MSI2: variants seen among roughly 807,000 people sequenced by gnomAD.
MSI2 encodes RNA-binding protein Musashi homolog 2.
A neutral mutation model predicts 45.6 loss-of-function variants in MSI2; 17 were observed. The ratio of observed to expected loss-of-function variants is 0.37; its 90% CI spans 0.26 to 0.56. The LOEUF (loss-of-function observed/expected upper bound fraction) is 0.56, where lower values mean the gene tolerates loss of function less well. Among genes scored for constraint, MSI2 ranks in the 20% least tolerant of loss-of-function variants. The pLI is 0.77. For synonymous variants in MSI2, 156 were observed against 158.2 expected, an observed-to-expected ratio of 0.99 and a Z score of 0.11; for missense variants, 293 against 444.2, an observed-to-expected ratio of 0.66 and a Z score of 3.06.
intron 6 of MSI2, chr17:57,449,704 G>A (rs897686765): frequency 3.3e-5 from 5 of 152,116 alleles, no homozygotes; most frequent in African/African-American, 7.2e-5. Flanking sequence ...TGCTATAAAT[G>A]AGCAGTGAAA....
chr17:57,614,709 T>C (rs1231928815), intron 8 of MSI2, among the ~76,000 whole-genome samples: 2 of 152,190 alleles, frequency 1.3e-5, no homozygotes, highest in Admixed American at 1.3e-4. Flanking sequence ...TTGTTAAATT[T>C]CTCTGTAAAC....
intron 5 of MSI2, chr17:57,265,954 T>A (rs1907728467): frequency 6.6e-6 from 1 of 152,240 alleles, no homozygotes; most frequent in Non-Finnish European, 1.5e-5. Context: ...TATTTTCTTC[T>A]ATGTGGAGGA....
At chr17:57,678,934 C>T (rs1913430147) in intron 13 of MSI2, among the ~76,000 whole-genome samples, 1 of 152,250 alleles carries the variant, frequency 6.6e-6, no homozygotes, top group Non-Finnish European at 1.5e-5. Context: ...CCCCTACTCC[C>T]AGTCAATTCA....
chr17:57,571,276 TGG>T (rs2087870662), intron 7 of MSI2, among the ~76,000 whole-genome samples: 1 of 152,168 alleles, frequency 6.6e-6, no homozygotes, highest in Non-Finnish European at 1.5e-5. Context: ...CAGGCCGCCC[TGG>T]GAAGGGGAGA....
intron 8 of MSI2, among the ~76,000 whole-genome samples, chr17:57,608,101 G>A (rs1307056088): frequency 6.6e-6 from 1 of 152,198 alleles, no homozygotes; most frequent in Non-Finnish European, 1.5e-5. Context: ...GAGGGAAAAG[G>A]ACTGCAGAGT....
At chr17:57,686,970 A>T (rs79374834), downstream of MSI2, among the ~76,000 whole-genome samples, 1,540 of 151,922 alleles carry the variant, frequency 0.01, 20 homozygotes, top group African/African-American at 0.036. Flanking sequence ...GTTTATATTC[A>T]TGGAACATAA....
chr17:57,510,928 G>T (rs903259704), intron 6 of MSI2, among the ~76,000 whole-genome samples: 1 of 152,290 alleles, frequency 6.6e-6, no homozygotes, highest in African/African-American at 2.4e-5. Flanking sequence ...TCTCTGCCTC[G>T]CTGTATCCCG....
intron 6 of MSI2, among the ~76,000 whole-genome samples, chr17:57,454,414 C>T (rs939004767): frequency 1.3e-5 from 2 of 151,254 alleles, no homozygotes; most frequent in Admixed American, 1.3e-4. Context: ...TCTTTCCTCT[C>T]TCTCTCTTTT....
At chr17:57,410,206 G>A (rs768923953) in intron 6 of MSI2, among the ~76,000 whole-genome samples, 3 of 151,414 alleles carry the variant, frequency 2.0e-5, no homozygotes, top group South Asian at 2.1e-4. Flanking sequence ...ACCTTCAAGC[G>A]GAGTCTGGAG....
chr17:57,654,305 C>T (rs994372193), intron 11 of MSI2, among the ~76,000 whole-genome samples: 3 of 152,246 alleles, frequency 2.0e-5, no homozygotes, highest in East Asian at 1.9e-4. Flanking sequence ...TGTGTGTAGC[C>T]AGGCTACCCT....
intron 6 of MSI2, among the ~76,000 whole-genome samples, chr17:57,412,101 G>A (rs541551814): frequency 1.3e-5 from 2 of 149,840 alleles, no homozygotes; most frequent in East Asian, 2.1e-4. Flanking sequence ...ATAGTGGCGC[G>A]ACCTCAGCTC....
At chr17:57,367,197 G>A (rs1917256447) in intron 5 of MSI2, among the ~76,000 whole-genome samples, 1 of 152,202 alleles carries the variant, frequency 6.6e-6, no homozygotes, top group African/African-American at 2.4e-5. Flanking sequence ...CTATCTGTTG[G>A]AGAGCACAGA....
intron 2 of MSI2, 29 bp from the exon 3 acceptor site, chr17:57,257,437 C>A (rs376192730): frequency 6.8e-6 from 8 of 1,182,224 alleles, no homozygotes; most frequent in Admixed American, 2.0e-5. Flanking sequence ...TTCTCTCCCC[C>A]CCCCATCTCT....
At chr17:57,480,516 A>G (rs981909945) in intron 6 of MSI2, among the ~76,000 whole-genome samples, 1 of 152,188 alleles carries the variant, frequency 6.6e-6, no homozygotes, top group Non-Finnish European at 1.5e-5. Context: ...ATTTCTTGTC[A>G]CCTTCATCAG....
At chr17:57,562,833 C>T (rs913951441) in intron 7 of MSI2, among the ~76,000 whole-genome samples, 5 of 152,046 alleles carry the variant, frequency 3.3e-5, no homozygotes, top group African/African-American at 9.7e-5. Flanking sequence ...TGCGATGGCT[C>T]ATGCCTGTAA....
chr17:57,320,678 C>T (rs1429515211), intron 5 of MSI2, among the ~76,000 whole-genome samples: 1 of 152,148 alleles, frequency 6.6e-6, no homozygotes. Context: ...CTAAGCTTTC[C>T]TCTTGCTTTC....
chr17:57,513,701 C>T (rs79283758), intron 6 of MSI2, among the ~76,000 whole-genome samples: 2 of 152,328 alleles, frequency 1.3e-5, no homozygotes, highest in Admixed American at 6.5e-5. Flanking sequence ...GCCTCACCCC[C>T]CTCCCGGGCT....
At chr17:57,671,989 A>G (rs1912823569) in intron 11 of MSI2, among the ~76,000 whole-genome samples, 1 of 152,226 alleles carries the variant, frequency 6.6e-6, no homozygotes, top group Non-Finnish European at 1.5e-5. Flanking sequence ...CCATGCGCCC[A>G]GCCCTCAGGG....
chr17:57,366,366 T>G (rs980006079), intron 5 of MSI2, among the ~76,000 whole-genome samples: 1 of 152,158 alleles, frequency 6.6e-6, no homozygotes, highest in Non-Finnish European at 1.5e-5. Flanking sequence ...GCCTCTTCCC[T>G]CCCCTGAAGG....
Sources: gnomAD v4.1 joint callset for allele counts (sites outside exome capture counted in the v4.1 genomes callset) on GRCh38, gnomAD v4.1.1 for gene constraint, MANE v1.5 for transcripts, NCBI Gene and HGNC (gene_info 2026-07-23, HGNC 2026-07-21) for gene names.